SEM1: variants seen among roughly 807,000 people sequenced by gnomAD.
SEM1 encodes the protein 26S proteasome complex subunit SEM1.
A neutral mutation model predicts 12.7 loss-of-function variants in SEM1; 3 were observed. The ratio of observed to expected loss-of-function variants is 0.24; its 90% CI spans 0.11 to 0.61. The LOEUF (loss-of-function observed/expected upper bound fraction) is 0.61, where lower values mean the gene tolerates loss of function less well. Ranked by LOEUF, SEM1 falls within the 20% of genes least tolerant of loss-of-function variation. SEM1 has a pLI of 0.88. For synonymous variants in SEM1, 30 were observed against 27.8 expected, an observed-to-expected ratio of 1.08 and a Z score of -0.25; for missense variants, 59 against 81.3, an observed-to-expected ratio of 0.73 and a Z score of 1.06.
intron 2 of SEM1, among the ~76,000 whole-genome samples, chr7:96,594,741 T>C (rs1024309442): frequency 3.3e-5 from 5 of 152,154 alleles, no homozygotes; most frequent in African/African-American, 1.2e-4. Context: ...GATTTGAATG[T>C]TTTCGAAGAG....
rs1789083099 is a variant in SEM1 at position 96,663,815 on chromosome 7, TCAAA to T, written c.170+30979_170+30982del. ...GAATTTCAAGAAAAAAATATAAAAG[TCAAA>T]CAAATATAGAATTAAAAACAGGCAA... On this transcript the variant is annotated intron_variant, in intron 2 of 2. Transcript: ENST00000417009. Among the ~76,000 whole-genome samples the T allele has an allele frequency of 2.6e-5, 4 of 151,808 alleles. No individual in the cohort carries two copies. In the South Asian group the frequency reaches 8.3e-4, roughly 32 times the overall value.
In SEM1 at chr7:96,648,911, A is replaced by G. The variant is rs527793492; in HGVS notation, c.171-26268T>C. On this transcript the variant is annotated intron_variant, in intron 2 of 2. Transcript: ENST00000417009. ...TGTCTGAGCTTTCTCACATTGGGCC[A>G]AAACGGCCCAATGTTTTTTTCCCCT... is the stretch of plus-strand genomic sequence containing the variant. 7.2e-3 allele frequency among the ~76,000 whole-genome samples: 1,103 copies of G among 152,324 alleles called. 4 individuals carry two copies. The highest frequency in any genetic ancestry group is 0.02 in the Middle Eastern group (6 of 294).
chr7:96,646,313 G>C (rs1808791816), intron 2 of SEM1, among the ~76,000 whole-genome samples: 1 of 152,112 alleles, frequency 6.6e-6, no homozygotes, highest in African/African-American at 2.4e-5. Context: ...TTTACTATCT[G>C]GTCATTTACA....
intron 2 of SEM1, among the ~76,000 whole-genome samples, chr7:96,525,811 C>T (rs1025234013): frequency 6.6e-6 from 1 of 152,120 alleles, no homozygotes; most frequent in African/African-American, 2.4e-5. Flanking sequence ...GTGAACTACA[C>T]TTGCAAGGGA....
At chr7:96,700,721 CTGCT>C (rs1790244881) in intron 1 of SEM1, among the ~76,000 whole-genome samples, 1 of 152,166 alleles carries the variant, frequency 6.6e-6, no homozygotes, top group Non-Finnish European at 1.5e-5. Flanking sequence ...CAATTGCTTA[CTGCT>C]TGCTCATTCC....
intron 2 of SEM1, among the ~76,000 whole-genome samples, chr7:96,692,310 G>A (rs1321361971): frequency 6.6e-6 from 1 of 152,052 alleles, no homozygotes; most frequent in East Asian, 1.9e-4. Context: ...AAACTTCAAA[G>A]AAATTTGACT....
chr7:96,673,996 C>T (rs1373296875), intron 2 of SEM1: 4 of 619,668 alleles, frequency 6.5e-6, no homozygotes, highest in African/African-American at 5.5e-5. Flanking sequence ...CCCATCTCTA[C>T]CTCCCCTCTC....
exon 4 of SEM1, chr7:96,483,698 A>T: frequency 1.2e-6 from 1 of 805,944 alleles, no homozygotes; most frequent in Non-Finnish European, 2.0e-6. Context: ...CATCTGTCTG[A>T]ACTTGTCATG....
intron 2 of SEM1, among the ~76,000 whole-genome samples, chr7:96,587,991 A>G (rs1160721764): frequency 2.0e-5 from 3 of 152,178 alleles, no homozygotes; most frequent in Non-Finnish European, 4.4e-5. Flanking sequence ...ACAACGAAGT[A>G]TTATATGTTA....
At chr7:96,495,248 G>A (rs886084452) in intron 1 of SEM1, among the ~76,000 whole-genome samples, 2 of 152,118 alleles carry the variant, frequency 1.3e-5, no homozygotes, top group Non-Finnish European at 2.9e-5. Flanking sequence ...CCTATTTATA[G>A]ACATTGTATT....
At chr7:96,588,402 G>C (rs1055108045) in intron 2 of SEM1, among the ~76,000 whole-genome samples, 1 of 150,034 alleles carries the variant, frequency 6.7e-6, no homozygotes, top group African/African-American at 2.5e-5. Flanking sequence ...ACACACGAGA[G>C]AGAGAGAGAG....
chr7:96,499,213 C>T (rs1468440347), upstream of SEM1, among the ~76,000 whole-genome samples: 1 of 152,170 alleles, frequency 6.6e-6, no homozygotes, highest in Non-Finnish European at 1.5e-5. Flanking sequence ...ATAATGCCTA[C>T]ATAACTAATT....
intron 2 of SEM1, among the ~76,000 whole-genome samples, chr7:96,592,999 T>TTAA (rs60512379): frequency 0.014 from 1,792 of 128,008 alleles, 84 homozygotes; most frequent in African/African-American, 0.048. Flanking sequence ...TCTCCCATAT[T>TTAA]AAAAAAAAAA....
At chr7:96,694,515 T>C (rs1011021415) in intron 2 of SEM1, among the ~76,000 whole-genome samples, 1 of 151,944 alleles carries the variant, frequency 6.6e-6, no homozygotes, top group African/African-American at 2.4e-5. Context: ...TGGTAGAAAA[T>C]TAACATTGAC....
Position 96,666,586 on chromosome 7 carries a change from G to T in SEM1, c.170+28212C>A, listed in dbSNP as rs1789177767. Among the ~76,000 whole-genome samples, 3 of 151,352 alleles carry T rather than the reference G, an allele frequency of 2.0e-5. No homozygotes were observed. In the South Asian group the frequency reaches 6.3e-4, roughly 32 times the overall value. ...TGGTACCCTTGTTTCAATGGAGTAA[G>T]ATTGTTGCTTTACCTTTCCAAGAAT... On this transcript the variant is annotated intron_variant, in intron 2 of 2. Transcript: ENST00000417009.
chr7:96,492,933 G>A (rs946848421), intron 1 of SEM1, among the ~76,000 whole-genome samples: 11 of 151,878 alleles, frequency 7.2e-5, no homozygotes, highest in African/African-American at 2.7e-4. Context: ...ATTATTTCTG[G>A]TGTATATTCA....
intron 1 of SEM1, among the ~76,000 whole-genome samples, chr7:96,706,690 C>T (rs530566036): frequency 1.3e-5 from 2 of 151,706 alleles, no homozygotes; most frequent in Non-Finnish European, 2.9e-5. Flanking sequence ...GATGTAGCAA[C>T]GCCACTCCCA....
At chr7:96,583,788 T>C (rs1251378412) in intron 2 of SEM1, among the ~76,000 whole-genome samples, 2 of 150,564 alleles carry the variant, frequency 1.3e-5, no homozygotes, top group Non-Finnish European at 2.9e-5. Flanking sequence ...GAGACTAGGA[T>C]TGCAACCCCT....
chr7:96,565,524 T>G (rs1253116487), intron 2 of SEM1, among the ~76,000 whole-genome samples: 6 of 151,822 alleles, frequency 4.0e-5, no homozygotes, highest in East Asian at 1.9e-4. Flanking sequence ...AACAGAGGTG[T>G]TTTTTATGTT....
Sources: allele counts gnomAD v4.1 joint callset (sites outside exome capture counted in the v4.1 genomes callset), GRCh38; gene constraint gnomAD v4.1.1; transcripts MANE v1.5; gene names NCBI Gene and HGNC (gene_info 2026-07-23, HGNC 2026-07-21).